Variants in IPO7 observed in about 807,000 individuals in gnomAD.
IPO7 encodes the protein importin-7.
In IPO7, 13 loss-of-function variants were observed where a neutral mutation model predicts 136.4. The observed-to-expected ratio is 0.10, with a 90% CI of 0.06 to 0.15. IPO7 has a LOEUF of 0.15. Ranked by LOEUF, IPO7 falls within the 10% of genes least tolerant of loss-of-function variation. The pLI is 1.00. For missense variants in IPO7, 857 were observed against 1,240.6 expected, an observed-to-expected ratio of 0.69 and a Z score of 4.65; for synonymous variants, 403 against 404.4, an observed-to-expected ratio of 1.00 and a Z score of 0.04.
chr11:9,445,410 T>C lies in IPO7; in HGVS notation c.*216T>C, dbSNP rs1478652029. On this transcript the variant is annotated 3_prime_UTR_variant, in exon 25 of 25. Transcript: ENST00000379719. ...GGGTGGGGGGGGATGGGAGGTACCTTAGAGGGAGTATTTTCTTTATTTTTT... is the reference window on the plus strand; with the variant it reads ...GGGTGGGGGGGGATGGGAGGTACCTCAGAGGGAGTATTTTCTTTATTTTTT... 2 of 391,198 alleles carry C rather than the reference T, an allele frequency of 5.1e-6. No homozygotes were observed. Among genetic ancestry groups the C allele is most frequent in the African/African-American group, 2.0e-5 (1 of 49,590 alleles). 24.2% of individuals were successfully genotyped at this position (391,198 alleles called of 1,614,324 possible).
intron 21 of IPO7, 42 bp from the exon 22 acceptor site, chr11:9,438,035 AAAG>A (rs1489342321): frequency 1.3e-6 from 2 of 1,555,320 alleles, no homozygotes; most frequent in Non-Finnish European, 1.7e-6. Flanking sequence ...TTATTTAAGA[AAAG>A]AAAACAGTTT....
chr11:9,419,660 A>C (rs935044395), intron 6 of IPO7, among the ~76,000 whole-genome samples: 1 of 147,996 alleles, frequency 6.8e-6, no homozygotes, highest in Non-Finnish European at 1.5e-5. Flanking sequence ...GGAGTCTTTT[A>C]TGGATCTTCC....
chr11:9,410,422 A>T (rs1854952072), intron 4 of IPO7, among the ~76,000 whole-genome samples: 4 of 152,182 alleles, frequency 2.6e-5, no homozygotes. Context: ...ATCAGAATAC[A>T]TTGAGGATTA....
At chr11:9,429,923 T>C in intron 15 of IPO7, 89 bp downstream of exon 15, 1 of 924,092 alleles carries the variant, frequency 1.1e-6, no homozygotes, top group Non-Finnish European at 1.6e-6. Flanking sequence ...TTGCCTTACC[T>C]TATAGCAGTC....
intron 1 of IPO7, among the ~76,000 whole-genome samples, chr11:9,387,825 C>T (rs1227308224): frequency 1.4e-5 from 2 of 143,572 alleles, no homozygotes; most frequent in East Asian, 4.2e-4. Context: ...AGTGAGACTC[C>T]ATCTCAAAAA....
chr11:9,423,547 A>ACCTTTGTACAC (rs1263087577), intron 9 of IPO7, among the ~76,000 whole-genome samples: 2 of 152,186 alleles, frequency 1.3e-5, no homozygotes, highest in East Asian at 3.8e-4. Flanking sequence ...ATATATTTAG[A>ACCTTTGTACAC]ATACTTAATT....
rs774844466 is a variant in IPO7 at position 9,434,917 on chromosome 11, G to GT, written c.2075-11dup. ...GTGTTACTAAAGATGTGTAACCGAT[G>GT]TTTTTTATTAATACAGATATGATGC... On this transcript the variant is annotated splice_polypyrimidine_tract_variant and intron_variant, in intron 18 of 24. Transcript: ENST00000379719. The GT allele has an allele frequency of 2.0e-6, 3 of 1,505,064 alleles. No individual in the cohort carries two copies. The highest frequency in any genetic ancestry group is 1.8e-6 in the Non-Finnish European group (2 of 1,084,446). The allele number at this position is 1,505,064 out of a possible 1,614,324, so 93.2% of individuals were successfully genotyped here. A position where few individuals can be genotyped will look rare whatever the true frequency, so the allele number is the denominator to read the frequency against.
intron 4 of IPO7, among the ~76,000 whole-genome samples, chr11:9,411,240 T>G (rs997733055): frequency 6.6e-6 from 1 of 152,194 alleles, no homozygotes; most frequent in Non-Finnish European, 1.5e-5. Context: ...TCATTGGAAT[T>G]CAGTTCATTT....
chr11:9,410,294 C>T lies in IPO7; in HGVS notation c.479+208C>T, dbSNP rs555240084. 7.4e-4 allele frequency among the ~76,000 whole-genome samples: 112 copies of T among 152,280 alleles called. 2 individuals are homozygous for T. The South Asian group carries it at 0.013, about 18-fold the overall frequency. On this transcript the variant is annotated intron_variant, in intron 4 of 24. Coordinates refer to ENST00000379719, the MANE Select transcript of IPO7 (RefSeq NM_006391.3). ...ATTCTACTAAGAAACTCCTTGCACC[C>T]TTTTTTCTTAATCACCGTCTCTTTA...
intron 3 of IPO7, among the ~76,000 whole-genome samples, chr11:9,409,055 T>G (rs1198971006): frequency 1.3e-5 from 2 of 151,100 alleles, no homozygotes; most frequent in South Asian, 4.2e-4. Flanking sequence ...TATAGGCCTG[T>G]TTTTTTTGTA....
At chr11:9,420,528 A>T in intron 7 of IPO7, 23 bp downstream of exon 7, 1 of 1,572,338 alleles carries the variant, frequency 6.4e-7, no homozygotes, top group Non-Finnish European at 8.7e-7. Context: ...ATATATGGTG[A>T]TTTAAATTAA....
intron 6 of IPO7, among the ~76,000 whole-genome samples, chr11:9,419,520 C>T (rs1391569832): frequency 7.1e-6 from 1 of 140,872 alleles, no homozygotes; most frequent in Non-Finnish European, 1.5e-5. Context: ...TGCACTCCAG[C>T]CTGGCAACAG....
intron 4 of IPO7, 128 bp from the exon 5 acceptor site, chr11:9,414,127 A>G (rs1050893050): frequency 3.2e-6 from 2 of 620,530 alleles, no homozygotes; most frequent in Non-Finnish European, 5.2e-6. Flanking sequence ...TTTGTTCTAG[A>G]TATTTTTCTT....
chr11:9,435,873 A>G (rs1004951720), intron 19 of IPO7, among the ~76,000 whole-genome samples: 1 of 152,138 alleles, frequency 6.6e-6, no homozygotes, highest in Non-Finnish European at 1.5e-5. Flanking sequence ...TTTTTTAAAG[A>G]GAAAAGGGTT....
chr11:9,423,780 A>T lies in IPO7; in HGVS notation c.1045A>T (p.Ile349Phe), dbSNP rs779180698. 6.4e-7 allele frequency: 1 copy of T among 1,571,454 alleles called. No individual in the cohort carries two copies. The highest frequency in any genetic ancestry group is 8.7e-7 in the Non-Finnish European group (1 of 1,154,858). Residue 349 changes from isoleucine (I) to phenylalanine (F), a missense_variant, in exon 10 of 25, where the codon ATT becomes TTT. Around this residue, in one of 11 missense-constraint regions of IPO7, gnomAD observed 127 missense variants for 222.4 expected, o/e 0.57. Coordinates refer to ENST00000379719, the MANE Select transcript of IPO7 (RefSeq NM_006391.3). ...TTTCTTAACTTTTAAATTGCAGGGC[A>T]TTATCCAAGATGTTATTTTTCCATT... ...WKNLKPHIQG[I>F]IQDVIFPLMC...
At chr11:9,413,483 AATTT>A (rs1854997306) in intron 4 of IPO7, among the ~76,000 whole-genome samples, 1 of 151,900 alleles carries the variant, frequency 6.6e-6, no homozygotes, top group South Asian at 2.1e-4. Context: ...AATACTTCCT[AATTT>A]ATTATTTATA....
chr11:9,415,994 T>C lies in IPO7; in HGVS notation c.637-1065T>C, dbSNP rs901107385. 2.0e-5 allele frequency among the ~76,000 whole-genome samples: 3 copies of C among 152,238 alleles called. No individual in the cohort carries two copies. In the South Asian group the frequency reaches 6.2e-4, roughly 32 times the overall value. ...GGATTTATCTCATCTGCTAAGATCA[T>C]TGGTTCAAGTCATACCATTACATTT... On this transcript the variant is annotated intron_variant, in intron 5 of 24. Coordinates refer to ENST00000379719, the MANE Select transcript of IPO7 (RefSeq NM_006391.3).
At position 9,436,297 on chromosome 11, in the gene IPO7, T is replaced by C. The variant is rs1351749965; in HGVS notation, c.2199T>C (p.Asp733=). 1 of 1,613,894 alleles carries C rather than the reference T, an allele frequency of 6.2e-7. No individual in the cohort carries two copies. Among genetic ancestry groups the C allele is most frequent in the East Asian group, 2.2e-5 (1 of 44,868 alleles). Residue 733 remains aspartate, a synonymous_variant, in exon 20 of 25, where the codon GAT becomes GAC. Coordinates refer to ENST00000379719, the MANE Select transcript of IPO7 (RefSeq NM_006391.3). ...KKVLTGVAGE[D]AECHAAKLLE... ...TTCTTACAGGAGTTGCAGGAGAAGA[T>C]GCAGAGTGTCATGCAGCAAAATTGT...
chr11:9,405,859 C>G (rs1431033611), intron 2 of IPO7, among the ~76,000 whole-genome samples: 1 of 151,658 alleles, frequency 6.6e-6, no homozygotes, highest in African/African-American at 2.4e-5. Flanking sequence ...CCCTTCCTTT[C>G]TTCCTTCCCT....
Sources: gnomAD v4.1 joint callset for allele counts (sites outside exome capture counted in the v4.1 genomes callset) on GRCh38, gnomAD v4.1.1 for gene constraint, gnomAD v4.1.1 regional missense constraint, MANE v1.5 for transcripts, NCBI Gene and HGNC (gene_info 2026-07-23, HGNC 2026-07-21) for gene names.